The following PTGER3 variants were observed in gnomAD, a reference collection of about 807,000 sequenced individuals.
PTGER3 encodes the protein prostaglandin E receptor 3, also known as prostaglandin E2 receptor EP3 subtype.
PTGER3 carries 22 observed loss-of-function variants against 34.7 expected under a neutral mutation model. The ratio of observed to expected loss-of-function variants is 0.63; its 90% CI spans 0.45 to 0.91. The LOEUF (loss-of-function observed/expected upper bound fraction) is 0.91, where lower values mean the gene tolerates loss of function less well. PTGER3 is among the 40% of genes least tolerant of loss of function. PTGER3 has a pLI of 0.00. For synonymous variants in PTGER3, 241 were observed against 230.1 expected (o/e 1.05, Z -0.43); for missense variants, 468 against 519.4 (o/e 0.90, Z 0.96).
intron 1 of PTGER3, among the ~76,000 whole-genome samples, chr1:71,018,701 C>T (rs1220046545): frequency 6.6e-6 from 1 of 152,130 alleles, no homozygotes; most frequent in Non-Finnish European, 1.5e-5. Flanking sequence ...CACAAAATTA[C>T]TTATTAAAAT....
intron 4 of PTGER3, among the ~76,000 whole-genome samples, chr1:70,924,586 T>C (rs1014038429): frequency 6.6e-6 from 1 of 152,130 alleles, no homozygotes; most frequent in Non-Finnish European, 1.5e-5. Flanking sequence ...GTTCCAACAG[T>C]TGCCCCATTC....
intron 4 of PTGER3, among the ~76,000 whole-genome samples, chr1:70,885,052 T>G (rs1646468342): frequency 6.6e-6 from 1 of 152,226 alleles, no homozygotes. Flanking sequence ...CAAGATCATT[T>G]TCCTGAAAAT....
chr1:70,881,745 T>C (rs947018463), intron 4 of PTGER3, among the ~76,000 whole-genome samples: 3 of 152,198 alleles, frequency 2.0e-5, no homozygotes, highest in Non-Finnish European at 4.4e-5. Context: ...TGTTGGGTGT[T>C]CTGGTCCACA....
intron 2 of PTGER3, among the ~76,000 whole-genome samples, chr1:70,982,475 T>G (rs1021813766): frequency 4.6e-5 from 7 of 152,114 alleles, no homozygotes; most frequent in African/African-American, 1.4e-4. Flanking sequence ...CACCTAATAT[T>G]GGTAGCTAAG....
At chr1:70,888,622 C>A (rs553403422) in intron 4 of PTGER3, among the ~76,000 whole-genome samples, 17 of 152,128 alleles carry the variant, frequency 1.1e-4, no homozygotes, top group African/African-American at 4.1e-4. Flanking sequence ...TCCTACATAA[C>A]AGCAACTATG....
At chr1:70,860,792 C>T (rs1054143978) in intron 4 of PTGER3, among the ~76,000 whole-genome samples, 2 of 152,020 alleles carry the variant, frequency 1.3e-5, no homozygotes, top group African/African-American at 4.8e-5. Context: ...AGACTTAGTA[C>T]TATGGTGACA....
chr1:70,893,905 A>G (rs918194259), intron 4 of PTGER3, among the ~76,000 whole-genome samples: 1 of 152,220 alleles, frequency 6.6e-6, no homozygotes, highest in African/African-American at 2.4e-5. Flanking sequence ...AATATTTATT[A>G]AAAATAAAAT....
intron 4 of PTGER3, among the ~76,000 whole-genome samples, chr1:70,905,122 G>A (rs1572606837): frequency 6.6e-6 from 1 of 152,298 alleles, no homozygotes; most frequent in East Asian, 1.9e-4. Context: ...TCCACATGGT[G>A]TTGAGTCTGG....
At chr1:71,040,594 C>A (rs775403134) in intron 1 of PTGER3, among the ~76,000 whole-genome samples, 1 of 151,428 alleles carries the variant, frequency 6.6e-6, no homozygotes, top group Non-Finnish European at 1.5e-5. Flanking sequence ...TAGGCAACAG[C>A]GAGACTTTGT....
intron 4 of PTGER3, chr1:70,886,322 T>C: frequency 2.2e-6 from 1 of 449,892 alleles, no homozygotes; most frequent in Non-Finnish European, 4.5e-6. Context: ...CTTGCCGGCC[T>C]CCAGAACTGT....
chr1:70,979,001 C>G (rs1038064753), intron 2 of PTGER3, among the ~76,000 whole-genome samples: 1 of 152,068 alleles, frequency 6.6e-6, no homozygotes, highest in Non-Finnish European at 1.5e-5. Context: ...AGATTTAATC[C>G]ACGCATAAAT....
chr1:70,944,537 A>G (rs1353168731), intron 4 of PTGER3, among the ~76,000 whole-genome samples: 1 of 152,140 alleles, frequency 6.6e-6, no homozygotes, highest in East Asian at 1.9e-4. Context: ...TTTCATCAAT[A>G]AATGTCATTT....
intron 4 of PTGER3, among the ~76,000 whole-genome samples, chr1:70,946,040 C>T (rs917948063): frequency 8.5e-5 from 13 of 152,116 alleles, no homozygotes; most frequent in South Asian, 4.2e-4. Context: ...TCCATCGAAA[C>T]GGTAGCCAAT....
intron 1 of PTGER3, among the ~76,000 whole-genome samples, chr1:71,028,234 T>C (rs1659108969): frequency 6.6e-6 from 1 of 151,968 alleles, no homozygotes; most frequent in Non-Finnish European, 1.5e-5. Context: ...AACAGTTTCC[T>C]CGTTTTTAAG....
intron 4 of PTGER3, among the ~76,000 whole-genome samples, chr1:70,880,506 ATG>A (rs1646367187): frequency 6.6e-6 from 1 of 151,526 alleles, no homozygotes; most frequent in African/African-American, 2.4e-5. Flanking sequence ...CCTGGCCAAC[ATG>A]GTGAAACCCC....
At chr1:70,901,858 A>C (rs1646846308) in intron 4 of PTGER3, among the ~76,000 whole-genome samples, 1 of 152,166 alleles carries the variant, frequency 6.6e-6, no homozygotes, top group South Asian at 2.1e-4. Flanking sequence ...TCACTACAAA[A>C]AGGATACGGG....
chr1:70,891,052 C>T (rs1646606202), intron 4 of PTGER3, among the ~76,000 whole-genome samples: 1 of 152,198 alleles, frequency 6.6e-6, no homozygotes, highest in Non-Finnish European at 1.5e-5. Flanking sequence ...TTCAGCTTCT[C>T]CAGGCTGGGT....
intron 4 of PTGER3, among the ~76,000 whole-genome samples, chr1:70,861,774 A>C (rs1190416148): frequency 6.6e-6 from 1 of 151,580 alleles, no homozygotes; most frequent in African/African-American, 2.4e-5. Context: ...AATATTTATC[A>C]TTCATAAAAC....
chr1:71,001,519 T>A (rs1656485903), intron 2 of PTGER3, among the ~76,000 whole-genome samples: 1 of 152,138 alleles, frequency 6.6e-6, no homozygotes, highest in Admixed American at 6.5e-5. Context: ...AATTTCTTTT[T>A]GGAGAAAAAA....
Sources: allele counts gnomAD v4.1 joint callset (sites outside exome capture counted in the v4.1 genomes callset), GRCh38; gene constraint gnomAD v4.1.1; transcripts MANE v1.5; gene names NCBI Gene and HGNC (gene_info 2026-07-23, HGNC 2026-07-21).